The following OGG1 variants were observed in gnomAD, a reference collection of about 807,000 sequenced individuals.
OGG1 encodes the protein 8-oxoguanine DNA glycosylase.
A neutral mutation model predicts 42.3 loss-of-function variants in OGG1; 35 were observed. The ratio of observed to expected loss-of-function variants is 0.83; its 90% CI spans 0.63 to 1.10. OGG1 has a LOEUF of 1.10. Ranked by LOEUF, OGG1 falls within the 50% of genes least tolerant of loss-of-function variation. OGG1 has a pLI of 0.00. For synonymous variants in OGG1, 189 were observed against 179.0 expected (o/e 1.06, Z -0.44); for missense variants, 484 against 446.7 (o/e 1.08, Z -0.75).
At chr3:9,767,103 C>A (rs960197820), downstream of OGG1, among the ~76,000 whole-genome samples, 3 of 152,178 alleles carry the variant, frequency 2.0e-5, no homozygotes, top group African/African-American at 7.2e-5. Context: ...TGTCCTTCTT[C>A]CTCTCTGACA....
At chr3:9,789,064 G>A (rs972018950), downstream of OGG1, among the ~76,000 whole-genome samples, 4 of 151,952 alleles carry the variant, frequency 2.6e-5, no homozygotes, top group African/African-American at 9.6e-5. Context: ...TCAAATTCCT[G>A]AGCTCAAGCA....
downstream of OGG1, chr3:9,759,467 G>A (rs1490846818): frequency 1.2e-6 from 2 of 1,614,024 alleles, no homozygotes; most frequent in Non-Finnish European, 1.7e-6. Context: ...GCTGGGACCA[G>A]AACTAGGGAT....
chr3:9,766,891 G>A (rs986479138), downstream of OGG1, among the ~76,000 whole-genome samples: 4 of 152,082 alleles, frequency 2.6e-5, no homozygotes, highest in East Asian at 3.9e-4. Flanking sequence ...AAAGTCTTAA[G>A]TGTCTCCCGG....
exon 8 of OGG1, chr3:9,766,179 A>G (rs1411149511): frequency 3.5e-6 from 3 of 846,852 alleles, no homozygotes; most frequent in East Asian, 5.3e-5. Context: ...GCCTGGAGCT[A>G]ATGGCGATCA....
At chr3:9,763,179 T>C (rs1347191149) in intron 7 of OGG1, 1 of 1,613,938 alleles carries the variant, frequency 6.2e-7, no homozygotes, top group East Asian at 2.2e-5. Flanking sequence ...CTCTCATAGA[T>C]GTCATCCAGG....
At chr3:9,753,974 C>T (rs970112912) in intron 3 of OGG1, among the ~76,000 whole-genome samples, 2 of 152,010 alleles carry the variant, frequency 1.3e-5, no homozygotes, top group African/African-American at 4.8e-5. Context: ...CTCATCTCTA[C>T]AAAAAATAAA....
chr3:9,787,191 A>T, intron 3 of OGG1: 1 of 1,614,164 alleles, frequency 6.2e-7, no homozygotes, highest in Non-Finnish European at 8.5e-7. Context: ...GGGAGGTGAG[A>T]GGCCTACCTT....
intron 3 of OGG1, among the ~76,000 whole-genome samples, chr3:9,784,453 G>T (rs916062857): frequency 5.9e-5 from 9 of 151,980 alleles, no homozygotes; most frequent in African/African-American, 2.2e-4. Context: ...AACCCAGAGA[G>T]AATTACTATT....
intron 2 of OGG1, among the ~76,000 whole-genome samples, chr3:9,777,258 T>A (rs1361647741): frequency 6.6e-6 from 1 of 152,226 alleles, no homozygotes; most frequent in Admixed American, 6.5e-5. Context: ...AAACTAGTGA[T>A]AAGGAATCAG....
chr3:9,784,842 C>T (rs1036129182), intron 3 of OGG1, among the ~76,000 whole-genome samples: 8 of 146,414 alleles, frequency 5.5e-5, no homozygotes, highest in Admixed American at 2.1e-4. Flanking sequence ...CCAACCTAAA[C>T]GACAAGAGCG....
At chr3:9,765,885 G>T (rs762000589) in exon 8 of OGG1, 2 of 1,614,028 alleles carry the variant, frequency 1.2e-6, no homozygotes, top group Non-Finnish European at 1.7e-6. Flanking sequence ...CTCCGAGAAG[G>T]CCCCCCTATC....
At chr3:9,750,838 G>T (rs2077267342) in intron 1 of OGG1, 107 bp from the exon 2 acceptor site, 1 of 1,329,402 alleles carries the variant, frequency 7.5e-7, no homozygotes, top group African/African-American at 1.4e-5. Context: ...AGATAGCACT[G>T]TTACTTGTAT....
At chr3:9,750,489 C>A in intron 1 of OGG1, 66 bp downstream of exon 1, 1 of 1,602,456 alleles carries the variant, frequency 6.2e-7, no homozygotes, top group Non-Finnish European at 8.5e-7. Flanking sequence ...CACTGCCTGG[C>A]ATGGGGTACA....
intron 2 of OGG1, among the ~76,000 whole-genome samples, chr3:9,772,798 G>A (rs532511915): frequency 1.1e-4 from 17 of 152,294 alleles, no homozygotes; most frequent in Middle Eastern, 3.4e-3. Context: ...TTAGGGGTGC[G>A]AGGGAGGCAA....
intron 3 of OGG1, chr3:9,784,329 C>A (rs1189040008): frequency 5.2e-6 from 7 of 1,347,192 alleles, no homozygotes; most frequent in East Asian, 2.5e-5. Flanking sequence ...TTGGGCACCC[C>A]CTCTGTATCT....
chr3:9,751,750 C>G lies in OGG1; in HGVS notation c.386-20C>G, dbSNP rs765789067. The G allele has an allele frequency of 1.6e-4, 258 of 1,613,748 alleles. No individual in the cohort carries two copies. The highest frequency in any genetic ancestry group is 3.3e-4 in the East Asian group (15 of 44,900). On this transcript the variant is annotated intron_variant, in intron 2 of 6. Transcript: ENST00000344629. The stretch of plus-strand genomic sequence containing the variant: ...CCAACAGCAGGTACCTCTCCTACCC[C>G]CTGCATTTCTGGTCTCCAGGTGTGC...
chr3:9,755,050 AAG>A (rs1206923789), intron 4 of OGG1, among the ~76,000 whole-genome samples, 165 bp downstream of exon 4: 1 of 152,196 alleles, frequency 6.6e-6, no homozygotes, highest in African/African-American at 2.4e-5. Context: ...AGAGTGCAGA[AAG>A]AGTAGAAAGG....
At chr3:9,752,158 A>G (rs980431542) in intron 3 of OGG1, 28 of 601,202 alleles carry the variant, frequency 4.7e-5, no homozygotes, top group Admixed American at 3.2e-4. Flanking sequence ...TTTTTGCCCA[A>G]TGGGTTCAAT....
intron 3 of OGG1, chr3:9,783,755 G>A: frequency 2.7e-6 from 1 of 372,780 alleles, no homozygotes; most frequent in South Asian, 4.8e-5. Flanking sequence ...TCCAGCCTGG[G>A]TGACAGTGCG....
Sources: gnomAD v4.1 joint callset for allele counts (sites outside exome capture counted in the v4.1 genomes callset) on GRCh38, gnomAD v4.1.1 for gene constraint, MANE v1.5 for transcripts, NCBI Gene and HGNC (gene_info 2026-07-23, HGNC 2026-07-21) for gene names.